The following PCDH11Y variants were observed in gnomAD, a reference collection of about 807,000 sequenced individuals.
PCDH11Y encodes protocadherin-11 Y-linked.
For missense variants in PCDH11Y, 12 were observed against 224.8 expected (o/e 0.05, Z 6.05); for synonymous variants, 9 against 83.6 (o/e 0.11, Z 4.87).
intron 3 of PCDH11Y, among the ~76,000 whole-genome samples, chrY:5,551,463 G>A: frequency 3.0e-5 from 1 of 32,890 alleles, no homozygotes; most frequent in Admixed American, 2.8e-4. Context: ...TTCACTCAAA[G>A]CAGTTATTAT....
At chrY:5,532,956 T>C (rs2053396568) in intron 3 of PCDH11Y, among the ~76,000 whole-genome samples, 1 of 28,432 alleles carries the variant, frequency 3.5e-5, no homozygotes, top group Non-Finnish European at 8.3e-5. Flanking sequence ...CTCAGCCTCC[T>C]GAGTAGCTGG....
chrY:5,420,774 A>C, intron 2 of PCDH11Y, among the ~76,000 whole-genome samples: 1 of 31,250 alleles, frequency 3.2e-5, no homozygotes, highest in African/African-American at 1.2e-4. Context: ...AAATTTATGA[A>C]GAAAAAAAAG....
intron 2 of PCDH11Y, among the ~76,000 whole-genome samples, chrY:5,113,797 G>T (rs2052805244): frequency 8.8e-5 from 2 of 22,677 alleles, no homozygotes; most frequent in African/African-American, 4.9e-4. Context: ...TAATTAGAGG[G>T]GTGTGTGTGT....
At chrY:5,604,247 A>C in intron 4 of PCDH11Y, among the ~76,000 whole-genome samples, 1 of 33,144 alleles carries the variant, frequency 3.0e-5, no homozygotes, top group Non-Finnish European at 7.5e-5. Flanking sequence ...AAAGGAAGAA[A>C]GGTAAAATAT....
At chrY:5,567,263 T>C (rs2124695963) in intron 3 of PCDH11Y, among the ~76,000 whole-genome samples, 1 of 32,594 alleles carries the variant, frequency 3.1e-5, no homozygotes, top group South Asian at 6.8e-4. Flanking sequence ...TGTAAAGTGA[T>C]TGCAGGCATT....
At chrY:5,077,401 C>G in intron 1 of PCDH11Y, among the ~76,000 whole-genome samples, 1 of 26,592 alleles carries the variant, frequency 3.8e-5, no homozygotes, top group Admixed American at 3.7e-4. Context: ...TTTGGATAAC[C>G]TTTATATCTT....
intron 2 of PCDH11Y, among the ~76,000 whole-genome samples, chrY:5,153,197 G>A: frequency 3.0e-5 from 1 of 33,241 alleles, no homozygotes; most frequent in African/African-American, 1.2e-4. Flanking sequence ...TGCAAAGGAA[G>A]TGAAATAAGA....
chrY:5,646,490 G>C, intron 4 of PCDH11Y, among the ~76,000 whole-genome samples: 1 of 32,492 alleles, frequency 3.1e-5, no homozygotes, highest in Admixed American at 2.9e-4. Context: ...AACTTAAAAA[G>C]TGTAATTGGA....
intron 2 of PCDH11Y, among the ~76,000 whole-genome samples, chrY:5,324,343 A>G: frequency 1.5e-4 from 5 of 32,680 alleles, no homozygotes; most frequent in Admixed American, 2.9e-4. Context: ...TTGTATTTAT[A>G]TGCTAAAAAT....
chrY:5,605,216 A>G, intron 4 of PCDH11Y, among the ~76,000 whole-genome samples: 1 of 33,318 alleles, frequency 3.0e-5, no homozygotes, highest in Admixed American at 2.8e-4. Context: ...GTAGTCTTTA[A>G]TGGTGACAAG....
intron 2 of PCDH11Y, among the ~76,000 whole-genome samples, chrY:5,216,956 C>T (rs2124651923): frequency 3.4e-5 from 1 of 29,431 alleles, no homozygotes; most frequent in South Asian, 8.1e-4. Context: ...GTTACTTTCT[C>T]GACTTTGCCT....
At chrY:5,058,844 G>A in intron 1 of PCDH11Y, among the ~76,000 whole-genome samples, 1 of 32,441 alleles carries the variant, frequency 3.1e-5, no homozygotes, top group Non-Finnish European at 7.6e-5. Context: ...GAGCACTTTG[G>A]GGTGAAGTTC....
At chrY:5,232,026 G>A in intron 2 of PCDH11Y, among the ~76,000 whole-genome samples, 2 of 32,033 alleles carry the variant, frequency 6.2e-5, no homozygotes, top group African/African-American at 2.5e-4. Context: ...GCCTGCCCTG[G>A]GACTCACCCT....
chrY:5,662,781 G>A, intron 4 of PCDH11Y, among the ~76,000 whole-genome samples: 1 of 29,428 alleles, frequency 3.4e-5, no homozygotes, highest in Non-Finnish European at 8.0e-5. Flanking sequence ...TCATGAAATT[G>A]GTATCAGGGT....
chrY:5,369,325 G>A, intron 2 of PCDH11Y, among the ~76,000 whole-genome samples: 8 of 32,946 alleles, frequency 2.4e-4, no homozygotes, highest in Non-Finnish European at 6.0e-4. Flanking sequence ...AGTCTTTCCC[G>A]TGCTATTCTC....
chrY:5,492,562 A>G, intron 2 of PCDH11Y, among the ~76,000 whole-genome samples: 1 of 21,929 alleles, frequency 4.6e-5, no homozygotes, highest in Admixed American at 4.9e-4. Flanking sequence ...TTGTATGGAA[A>G]ATAAGTAGAG....
intron 2 of PCDH11Y, among the ~76,000 whole-genome samples, chrY:5,212,584 A>G (rs2052940567): frequency 3.1e-5 from 1 of 32,263 alleles, no homozygotes; most frequent in Non-Finnish European, 7.6e-5. Flanking sequence ...AATTCTTTTT[A>G]GAAGTTAAAA....
chrY:5,551,825 G>A, intron 3 of PCDH11Y, among the ~76,000 whole-genome samples: 1 of 32,892 alleles, frequency 3.0e-5, no homozygotes, highest in Non-Finnish European at 7.5e-5. Flanking sequence ...GAACCAGCAG[G>A]TCTTGCTAAG....
At chrY:5,668,000 C>T (rs2124707980) in intron 4 of PCDH11Y, among the ~76,000 whole-genome samples, 1 of 33,024 alleles carries the variant, frequency 3.0e-5, no homozygotes, top group African/African-American at 1.2e-4. Flanking sequence ...AAAAGGTACA[C>T]TTGTTTTTCA....
Sources: gnomAD v4.1 joint callset for allele counts (sites outside exome capture counted in the v4.1 genomes callset) on GRCh38, gnomAD v4.1.1 for gene constraint, MANE v1.5 for transcripts, NCBI Gene and HGNC (gene_info 2026-07-23, HGNC 2026-07-21) for gene names.